CDC42BPA: variants seen among roughly 807,000 people sequenced by gnomAD.
CDC42BPA encodes CDC42 binding protein kinase alpha.
CDC42BPA carries 80 observed loss-of-function variants against 223.5 expected under a neutral mutation model. The ratio of observed to expected loss-of-function variants is 0.36; its 90% CI spans 0.30 to 0.43. CDC42BPA has a LOEUF of 0.43. Among genes scored for constraint, CDC42BPA ranks in the 20% least tolerant of loss-of-function variants. The pLI is 1.00. For synonymous variants in CDC42BPA, 694 were observed against 718.6 expected, an observed-to-expected ratio of 0.97 and a Z score of 0.55; for missense variants, 1,743 against 2,099.9, an observed-to-expected ratio of 0.83 and a Z score of 3.32.
In CDC42BPA at chr1:227,240,694, A is replaced by C. The variant is rs968313484; in HGVS notation, c.270+13370T>G. ...GCTGAAACAACTGGCTACAAATACA[A>C]AAAAAAAAATGAATCTCAATGCCGA... On this transcript the variant is annotated intron_variant, in intron 2 of 36. Transcript: ENST00000366766. Among the ~76,000 whole-genome samples the C allele has an allele frequency of 1.4e-4, 16 of 117,752 alleles. No individual in the cohort carries two copies. The Middle Eastern group carries it at 0.012, about 88-fold the overall frequency. The allele number at this position is 117,752 out of a possible 152,430, so 77.2% of individuals were successfully genotyped here. A position where few individuals can be genotyped will look rare whatever the true frequency, so the allele number is the denominator to read the frequency against.
chr1:227,106,320 A>G (rs1481139326), intron 14 of CDC42BPA, among the ~76,000 whole-genome samples: 1 of 152,170 alleles, frequency 6.6e-6, no homozygotes, highest in African/African-American at 2.4e-5. Flanking sequence ...GTAGTTCTTC[A>G]TATAATCTGG....
chr1:227,103,794 T>C (rs2149331345), intron 14 of CDC42BPA, among the ~76,000 whole-genome samples: 1 of 152,170 alleles, frequency 6.6e-6, no homozygotes, highest in Non-Finnish European at 1.5e-5. Flanking sequence ...GTCATACCAT[T>C]TAGCAAAACA....
rs1258693295 is a variant in CDC42BPA, at chr1:226,992,071, AG to A, written c.*2196del. Reference sequence around the variant, plus strand: ...GGGTGGGGAGAGTGGGGAGGAGAGGAGAGAAGGGTGGACAGAAGGGGTGCGA... The same window carrying A: ...GGGTGGGGAGAGTGGGGAGGAGAGGAAGAAGGGTGGACAGAAGGGGTGCGA... On this transcript the variant is annotated 3_prime_UTR_variant, in exon 37 of 37. Coordinates refer to ENST00000366766, the MANE Select transcript of CDC42BPA (RefSeq NM_001394014.1). The A allele has an allele frequency of 6.9e-6, 1 of 143,938 alleles. No homozygotes were observed. The highest frequency in any genetic ancestry group is 1.5e-5 in the Non-Finnish European group (1 of 66,044). The allele number at this position is 143,938 out of a possible 1,614,324, so 8.9% of individuals were successfully genotyped here. A position where few individuals can be genotyped will look rare whatever the true frequency, so the allele number is the denominator to read the frequency against.
chr1:227,034,808 T>TAGAG lies in CDC42BPA; in HGVS notation c.3337-15_3337-14insCTCT. The TAGAG allele has an allele frequency of 7.4e-7, 1 of 1,348,284 alleles. No individual in the cohort carries two copies. The highest frequency in any genetic ancestry group is 9.6e-7 in the Non-Finnish European group (1 of 1,044,522). The allele number at this position is 1,348,284 out of a possible 1,614,324, so 83.5% of individuals were successfully genotyped here. ...TGGCTTAGGAATCTTAGTTTTGTTT[T>TAGAG]AGACAGACAAACAGCCAAAACAACT... On this transcript the variant is annotated splice_polypyrimidine_tract_variant and intron_variant, in intron 25 of 36. Transcript: ENST00000366766.
At chr1:227,215,823 T>C (rs1165058389) in intron 2 of CDC42BPA, among the ~76,000 whole-genome samples, 1 of 152,192 alleles carries the variant, frequency 6.6e-6, no homozygotes, top group Non-Finnish European at 1.5e-5. Flanking sequence ...TTTAGACTTA[T>C]GACAAATATA....
chr1:227,289,665 T>A (rs1689366657), intron 1 of CDC42BPA, among the ~76,000 whole-genome samples: 1 of 152,108 alleles, frequency 6.6e-6, no homozygotes, highest in Non-Finnish European at 1.5e-5. Flanking sequence ...ACATAGGAGG[T>A]ATGCAATAAA....
intron 9 of CDC42BPA, among the ~76,000 whole-genome samples, chr1:227,142,455 C>T (rs115729964): frequency 1.9e-3 from 282 of 152,270 alleles, no homozygotes; most frequent in African/African-American, 6.2e-3. Flanking sequence ...CCCTCCAAAA[C>T]GAGTTAAGAT....
intron 1 of CDC42BPA, among the ~76,000 whole-genome samples, chr1:227,258,173 C>T (rs1009227438): frequency 6.7e-5 from 6 of 89,760 alleles, no homozygotes; most frequent in Admixed American, 2.6e-4. Flanking sequence ...AAACCCTGTC[C>T]GGGAAAAAAA....
intron 1 of CDC42BPA, among the ~76,000 whole-genome samples, chr1:227,274,495 A>G (rs1384619372): frequency 1.3e-5 from 2 of 152,186 alleles, no homozygotes; most frequent in Non-Finnish European, 2.9e-5. Flanking sequence ...TGGCAAATAT[A>G]CTGAATTAAT....
intron 35 of CDC42BPA, among the ~76,000 whole-genome samples, chr1:226,999,072 T>C (rs747873191): frequency 5.3e-5 from 8 of 151,764 alleles, no homozygotes; most frequent in Non-Finnish European, 1.2e-4. Context: ...ATTAGAGAAA[T>C]GCAAATCAAA....
At chr1:227,076,371 C>T (rs1240044693) in intron 17 of CDC42BPA, among the ~76,000 whole-genome samples, 2 of 152,200 alleles carry the variant, frequency 1.3e-5, no homozygotes, top group East Asian at 3.9e-4. Flanking sequence ...ATTCTCCTAC[C>T]TCAGCCTCCC....
chr1:227,081,152 C>G, intron 16 of CDC42BPA, 135 bp from the exon 17 acceptor site: 2 of 799,672 alleles, frequency 2.5e-6, no homozygotes, highest in Non-Finnish European at 3.9e-6. Flanking sequence ...CCCTTTTGCT[C>G]ACTGAATTTG....
intron 6 of CDC42BPA, among the ~76,000 whole-genome samples, chr1:227,160,036 C>T (rs534512452): frequency 3.3e-5 from 5 of 152,030 alleles, no homozygotes; most frequent in African/African-American, 1.2e-4. Flanking sequence ...AACCAACTGA[C>T]GGGTTTAGGG....
chr1:227,042,592 T>C (rs1351194148), intron 23 of CDC42BPA, among the ~76,000 whole-genome samples: 2 of 152,080 alleles, frequency 1.3e-5, no homozygotes, highest in Admixed American at 6.5e-5. Context: ...TAATACACAA[T>C]AGGATTTTGT....
intron 11 of CDC42BPA, among the ~76,000 whole-genome samples, chr1:227,124,601 C>T (rs1439522078): frequency 6.6e-6 from 1 of 151,854 alleles, no homozygotes; most frequent in Non-Finnish European, 1.5e-5. Context: ...AGGAAAAAAA[C>T]AGTATGTGAA....
At chr1:227,217,433 G>A (rs938214573) in intron 2 of CDC42BPA, among the ~76,000 whole-genome samples, 3 of 150,006 alleles carry the variant, frequency 2.0e-5, no homozygotes, top group Admixed American at 1.3e-4. Flanking sequence ...GCTGAAGTGA[G>A]TGAGACTCTG....
At position 227,317,532 on chromosome 1, in the gene CDC42BPA, T is replaced by G. The variant is rs1471477184; in HGVS notation, c.-350A>C. The G allele has an allele frequency of 2.5e-6, 1 of 397,280 alleles. No individual in the cohort carries two copies. The highest frequency in any genetic ancestry group is 4.4e-6 in the Non-Finnish European group (1 of 225,926). The allele number at this position is 397,280 out of a possible 1,614,324, so 24.6% of individuals were successfully genotyped here. A position where few individuals can be genotyped will look rare whatever the true frequency, so the allele number is the denominator to read the frequency against. On this transcript the variant is annotated 5_prime_UTR_variant, in exon 1 of 37. Transcript: ENST00000366766. Reference sequence around the variant, plus strand: ...TCTTTAAAAAAAAAAAAAAAAACTCTTCTCCTTCATTCAAAATTCAACTCG... The same window carrying G: ...TCTTTAAAAAAAAAAAAAAAAACTCGTCTCCTTCATTCAAAATTCAACTCG...
At chr1:227,129,532 G>A (rs1656548512) in intron 10 of CDC42BPA, among the ~76,000 whole-genome samples, 1 of 151,576 alleles carries the variant, frequency 6.6e-6, no homozygotes, top group African/African-American at 2.4e-5. Context: ...GCAGGGCATG[G>A]TGGCACATGC....
chr1:227,099,282 G>A (rs967582586), intron 15 of CDC42BPA, among the ~76,000 whole-genome samples: 6 of 151,036 alleles, frequency 4.0e-5, no homozygotes, highest in Non-Finnish European at 8.9e-5. Flanking sequence ...CCTCAGGCAG[G>A]TCCTTCAGGA....
Sources: allele counts gnomAD v4.1 joint callset (sites outside exome capture counted in the v4.1 genomes callset), GRCh38; gene constraint gnomAD v4.1.1; transcripts MANE v1.5; gene names NCBI Gene and HGNC (gene_info 2026-07-23, HGNC 2026-07-21).